The following LRRC43 variants were observed in gnomAD, a reference collection of about 807,000 sequenced individuals.
LRRC43 encodes leucine rich repeat containing 43, also known as leucine-rich repeat-containing protein 43.
In LRRC43, 62 loss-of-function variants were observed where a neutral mutation model predicts 64.3. The observed-to-expected ratio is 0.96, with a 90% CI of 0.79 to 1.19. The LOEUF (loss-of-function observed/expected upper bound fraction) is 1.19. Among genes scored for constraint, LRRC43 ranks in the 50% most tolerant of loss-of-function variants. The pLI is 0.00. For synonymous variants in LRRC43, 422 were observed against 382.3 expected, an observed-to-expected ratio of 1.10 and a Z score of -1.21; for missense variants, 868 against 845.0, an observed-to-expected ratio of 1.03 and a Z score of -0.34.
intron 4 of LRRC43, among the ~76,000 whole-genome samples, chr12:122,189,711 C>T (rs528389267): frequency 3.9e-5 from 6 of 152,256 alleles, no homozygotes; most frequent in African/African-American, 1.2e-4. Flanking sequence ...GCATCAACCC[C>T]ACTCCTGCCC....
intron 2 of LRRC43, among the ~76,000 whole-genome samples, chr12:122,185,183 AG>A (rs1379428222): frequency 6.6e-6 from 1 of 152,204 alleles, no homozygotes; most frequent in African/African-American, 2.4e-5. Flanking sequence ...TCAGTAGCAG[AG>A]CCCAGTCTCG....
At chr12:122,187,081 A>G (rs745899623) in intron 3 of LRRC43, among the ~76,000 whole-genome samples, 1 of 151,646 alleles carries the variant, frequency 6.6e-6, no homozygotes, top group Non-Finnish European at 1.5e-5. Context: ...AAATACAAAA[A>G]TTAGCCAGGC....
intron 4 of LRRC43, 103 bp from the exon 5 acceptor site, chr12:122,190,027 G>A (rs762280865): frequency 3.1e-6 from 3 of 967,364 alleles, no homozygotes; most frequent in Non-Finnish European, 5.0e-6. Flanking sequence ...CCGTGGATGG[G>A]CAGAATCCTT....
intron 11 of LRRC43, chr12:122,201,924 GA>G (rs1953845653): frequency 6.6e-6 from 1 of 152,592 alleles, no homozygotes; most frequent in Non-Finnish European, 1.5e-5. Flanking sequence ...AGGAGTTCGA[GA>G]CCAGCCTAGC....
Position 122,187,491 on chromosome 12 carries a change from C to G in LRRC43, c.523-210C>G, listed in dbSNP as rs548143956. Reference sequence around the variant, plus strand: ...CCCCCCATTCCAGATGTTGAAGTGTCTTTCACAAAAGGAAAAGAAACTTCC... The same window carrying G: ...CCCCCCATTCCAGATGTTGAAGTGTGTTTCACAAAAGGAAAAGAAACTTCC... On this transcript the variant is annotated intron_variant, in intron 3 of 11. Coordinates refer to ENST00000339777, the MANE Select transcript of LRRC43 (RefSeq NM_001098519.2). 7.5e-6 allele frequency: 4 copies of G among 532,414 alleles called. No individual in the cohort carries two copies. The South Asian group carries it at 1.0e-4, about 13-fold the overall frequency. The allele number at this position is 532,414 out of a possible 1,614,324, so 33.0% of individuals were successfully genotyped here. A position where few individuals can be genotyped will look rare whatever the true frequency, so the allele number is the denominator to read the frequency against.
chr12:122,192,087 C>T (rs976555648), intron 6 of LRRC43, among the ~76,000 whole-genome samples: 4 of 152,116 alleles, frequency 2.6e-5, no homozygotes, highest in East Asian at 1.9e-4. Flanking sequence ...GAGAGCCACC[C>T]GGCATTTCAT....
At chr12:122,201,027 G>A (rs1019693481) in intron 10 of LRRC43, 93 bp downstream of exon 10, 15 of 1,425,752 alleles carry the variant, frequency 1.1e-5, no homozygotes, top group East Asian at 4.6e-5. Context: ...CCCAGGTCAC[G>A]GGATGGGGAG....
chr12:122,189,626 C>T, intron 4 of LRRC43: 2 of 381,256 alleles, frequency 5.2e-6, no homozygotes, highest in South Asian at 3.8e-5. Flanking sequence ...CCGCCCCAGT[C>T]TGGCTTTGAG....
intron 1 of LRRC43, among the ~76,000 whole-genome samples, chr12:122,174,584 A>T (rs1251647241): frequency 5.9e-5 from 9 of 152,186 alleles, no homozygotes; most frequent in Admixed American, 5.9e-4. Flanking sequence ...GGCCACAGGG[A>T]ATTTCTGGGG....
Position 122,200,762 on chromosome 12 carries a change from A to C in LRRC43, c.1637A>C (p.Lys546Thr). ...TCGTCGCAGGAGTGGAAGGTGCTGAAGAAGAAGAAAGAGCCGCCCAAGGAG... is the reference window on the plus strand; with the variant it reads ...TCGTCGCAGGAGTGGAAGGTGCTGACGAAGAAGAAAGAGCCGCCCAAGGAG... ...KEPAKEWKVL[K>T]KKKEPPKELR... Residue 546 changes from lysine (K) to threonine (T), a missense_variant, in exon 10 of 12, where the codon AAG becomes ACG. Coordinates refer to ENST00000339777, the MANE Select transcript of LRRC43 (RefSeq NM_001098519.2). The surrounding 1 kb of genome is among the most constrained non-coding windows in gnomAD (Gnocchi z 4.6). The C allele has an allele frequency of 6.2e-7, 1 of 1,612,806 alleles. No homozygotes were observed. Among genetic ancestry groups the C allele is most frequent in the Non-Finnish European group, 8.5e-7 (1 of 1,179,974 alleles).
chr12:122,184,477 G>C lies in LRRC43; in HGVS notation c.151-42G>C. ...TTGAGAGTTTGGTGTCCTTAAGGGG[G>C]CTGTGTCACACCTACAGAAAATCCC... On this transcript the variant is annotated intron_variant, in intron 1 of 11. Transcript: ENST00000339777. This position sits in a 1 kb window ranked among gnomAD's most constrained non-coding sequence, Gnocchi z 4.0. 2 of 1,601,196 alleles carry C rather than the reference G, an allele frequency of 1.2e-6. No individual in the cohort carries two copies. Among genetic ancestry groups the C allele is most frequent in the South Asian group, 2.2e-5 (2 of 89,192 alleles).
chr12:122,203,362 G>C lies in LRRC43; in HGVS notation c.1891G>C (p.Glu631Gln). 1 of 1,613,462 alleles carries C rather than the reference G, an allele frequency of 6.2e-7. No homozygotes were observed. Among genetic ancestry groups the C allele is most frequent in the South Asian group, 1.1e-5 (1 of 91,012 alleles). The part of the protein sequence containing the change: ...IPIYEGDYHP[E>Q]PLTVEVQIQL... ...GATCTACGAAGGCGATTACCACCCT[G>C]AGCCCCTGACCGTAGAGGTGCAGAT... The change falls in exon 12 of 12, where the codon GAG becomes CAG. Residue 631 changes from glutamate (E) to glutamine (Q), a missense_variant. Transcript: ENST00000339777.
chr12:122,174,545 C>T (rs1003109443), intron 1 of LRRC43, among the ~76,000 whole-genome samples: 1 of 152,146 alleles, frequency 6.6e-6, no homozygotes, highest in African/African-American at 2.4e-5. Context: ...CACCAAGGAG[C>T]GGGTGACTTC....
Position 122,203,384 on chromosome 12 carries a change from A to G in LRRC43, c.1913A>G (p.Gln638Arg), listed in dbSNP as rs748869203. 4 of 1,613,194 alleles carry G rather than the reference A, an allele frequency of 2.5e-6. No homozygotes were observed. Among genetic ancestry groups the G allele is most frequent in the Non-Finnish European group, 3.4e-6 (4 of 1,179,896 alleles). The change falls in exon 12 of 12, where the codon CAG becomes CGG. Residue 638 changes from glutamine to arginine, a missense_variant. Coordinates refer to ENST00000339777, the MANE Select transcript of LRRC43 (RefSeq NM_001098519.2). ...CCTGAGCCCCTGACCGTAGAGGTGC[A>G]GATCCAGCTGAACCAGTGCCGCTCG... ...YHPEPLTVEV[Q>R]IQLNQCRSAE...
At chr12:122,182,926 C>T (rs1953595237), upstream of LRRC43, 1 of 631,868 alleles carries the variant, frequency 1.6e-6, no homozygotes, top group Admixed American at 3.8e-5. Flanking sequence ...AGAAACAGGT[C>T]AGCTATGGCG....
intron 4 of LRRC43, 150 bp from the exon 5 acceptor site, chr12:122,189,980 G>C: frequency 1.4e-6 from 1 of 709,434 alleles, no homozygotes; most frequent in East Asian, 2.5e-5. Flanking sequence ...TCCCGACCCG[G>C]GGTTAACTTG....
Position 122,186,276 on chromosome 12 carries a change from C to T in LRRC43, c.498C>T (p.Ala166=), listed in dbSNP as rs374355093. 109 of 1,602,076 alleles carry T rather than the reference C, an allele frequency of 6.8e-5. No homozygotes were observed. Among genetic ancestry groups the T allele is most frequent in the Non-Finnish European group, 8.5e-5 (100 of 1,174,582 alleles). ...CCAATCGAATCAAGGAGGTGGATGC[C>T]ACCAATCTGCCCCCCACACTCAAGG... ...LSANRIKEVD[A]TNLPPTLKVL... Residue 166 remains alanine (A), a synonymous_variant, in exon 3 of 12, where the codon GCC becomes GCT. Transcript: ENST00000339777.
rs1248062196 is a variant in LRRC43, at chr12:122,192,936, G to A, written c.1281G>A (p.Pro427=). Residue 427 remains proline (P), a synonymous_variant, in exon 7 of 12, where the codon CCG becomes CCA. Transcript: ENST00000339777. Reference sequence around the variant, plus strand: ...GGCCTTCGACCATCTTGCAGATGCCGAGGGCCTCTGCAGAAGAGCTGGCCA... The same window carrying A: ...GGCCTTCGACCATCTTGCAGATGCCAAGGGCCTCTGCAGAAGAGCTGGCCA... ...ISGPSTILQM[P]RASAEELAKL... The A allele has an allele frequency of 3.1e-6, 5 of 1,614,072 alleles. No individual in the cohort carries two copies. In the South Asian group the frequency reaches 3.3e-5, roughly 11 times the overall value.
At chr12:122,191,139 A>C (rs1240863101) in intron 5 of LRRC43, among the ~76,000 whole-genome samples, 1 of 152,126 alleles carries the variant, frequency 6.6e-6, no homozygotes. Flanking sequence ...GGTGACCTGC[A>C]GAGTAGCCCT....
Sources: gnomAD v4.1 joint callset for allele counts (sites outside exome capture counted in the v4.1 genomes callset) on GRCh38, gnomAD v4.1.1 for gene constraint, Gnocchi (gnomAD v3.1) non-coding constraint, MANE v1.5 for transcripts, NCBI Gene and HGNC (gene_info 2026-07-23, HGNC 2026-07-21) for gene names.